The following DIP2C variants were observed in gnomAD, a reference collection of about 807,000 sequenced individuals.
The protein encoded by DIP2C is DIP2 acetate--CoA ligase C (putative).
A neutral mutation model predicts 192.4 loss-of-function variants in DIP2C; 33 were observed. That is an observed-to-expected ratio of 0.17 (90% confidence interval 0.13 to 0.23). The LOEUF (loss-of-function observed/expected upper bound fraction) is 0.23, where lower values mean the gene tolerates loss of function less well. Among genes scored for constraint, DIP2C ranks in the 10% least tolerant of loss-of-function variants. The pLI is 1.00. For synonymous variants in DIP2C, 979 were observed against 864.1 expected (o/e 1.13, Z -2.33); for missense variants, 1,537 against 2,110.1 (o/e 0.73, Z 5.32).
chr10:456,779 G>C (rs955197261), intron 3 of DIP2C, among the ~76,000 whole-genome samples: 5 of 152,138 alleles, frequency 3.3e-5, no homozygotes, highest in African/African-American at 1.2e-4. Context: ...GACGATTTTT[G>C]TTCCACCGTT....
At chr10:659,126 GCACA>G (rs1856595275) in intron 1 of DIP2C, among the ~76,000 whole-genome samples, 1 of 151,970 alleles carries the variant, frequency 6.6e-6, no homozygotes, top group Non-Finnish European at 1.5e-5. Context: ...ATACATTCTG[GCACA>G]CACAAACATA....
At chr10:351,322 G>C (rs1958797681) in intron 24 of DIP2C, among the ~76,000 whole-genome samples, 1 of 152,204 alleles carries the variant, frequency 6.6e-6, no homozygotes, top group African/African-American at 2.4e-5. Flanking sequence ...GAAGCATCAA[G>C]ATGTGAACAC....
chr10:564,090 T>TA (rs931804436), intron 1 of DIP2C, among the ~76,000 whole-genome samples: 24 of 152,034 alleles, frequency 1.6e-4, no homozygotes, highest in African/African-American at 5.8e-4. Context: ...ACTAATCAGG[T>TA]AAAAAATATG....
intron 10 of DIP2C, among the ~76,000 whole-genome samples, chr10:394,622 G>C (rs1271427260): frequency 4.0e-5 from 6 of 148,230 alleles, no homozygotes; most frequent in Non-Finnish European, 5.9e-5. Context: ...ACCGTATGCT[G>C]AACAGGAAGG....
chr10:656,888 G>C (rs1472426563), intron 1 of DIP2C, among the ~76,000 whole-genome samples: 2 of 152,246 alleles, frequency 1.3e-5, no homozygotes, highest in African/African-American at 4.8e-5. Context: ...TTAGCACAAA[G>C]AGCATGGAAC....
intron 1 of DIP2C, among the ~76,000 whole-genome samples, chr10:500,881 T>C (rs1461628705): frequency 2.0e-5 from 3 of 152,182 alleles, no homozygotes; most frequent in African/African-American, 7.2e-5. Flanking sequence ...CTATCATCCT[T>C]AAAGCTATTT....
intron 3 of DIP2C, among the ~76,000 whole-genome samples, chr10:472,038 G>C (rs1398198354): frequency 1.3e-5 from 2 of 152,106 alleles, no homozygotes; most frequent in South Asian, 2.1e-4. Context: ...TGAAAGACAG[G>C]AAACACATAA....
intron 1 of DIP2C, among the ~76,000 whole-genome samples, chr10:608,242 CA>C (rs1437941842): frequency 4.2e-4 from 10 of 23,828 alleles, no homozygotes; most frequent in Non-Finnish European, 6.2e-4. Context: ...CAGCCCCCCC[CA>C]CACACACCCC....
intron 1 of DIP2C, among the ~76,000 whole-genome samples, chr10:587,620 TGA>T: frequency 1.3e-5 from 2 of 151,564 alleles, no homozygotes; most frequent in African/African-American, 4.9e-5. Context: ...GCCTCAGCCC[TGA>T]CCCTCCTGAA....
chr10:309,401 T>C (rs1157121054), intron 32 of DIP2C, among the ~76,000 whole-genome samples: 1 of 152,076 alleles, frequency 6.6e-6, no homozygotes, highest in African/African-American at 2.4e-5. Flanking sequence ...TGTAAAGAAA[T>C]GTGGGCAGGA....
intron 1 of DIP2C, among the ~76,000 whole-genome samples, chr10:646,063 G>C (rs1386393942): frequency 6.6e-6 from 1 of 152,166 alleles, no homozygotes; most frequent in Non-Finnish European, 1.5e-5. Context: ...ATTTTGTTCT[G>C]AGAAGAGCAG....
At chr10:408,842 G>T in intron 9 of DIP2C, 84 bp downstream of exon 9, 1 of 1,374,074 alleles carries the variant, frequency 7.3e-7, no homozygotes, top group South Asian at 1.3e-5. Flanking sequence ...AGGTGGCGCT[G>T]AACTCTGTAA....
rs1429293002 is a variant in DIP2C at position 390,255 on chromosome 10, C to T, written c.1494+9G>A. ...TCAGGGCCAGTGGAGGAGGCCAAGG[C>T]TGACTCACCTCAATATACGCAGTGT... On this transcript the variant is annotated intron_variant, in intron 12 of 36. Transcript: ENST00000280886. 6.2e-6 allele frequency: 10 copies of T among 1,613,674 alleles called. No homozygotes were observed. The East Asian group carries it at 2.2e-4, about 36-fold the overall frequency.
chr10:557,126 A>G (rs1564197095), intron 1 of DIP2C, among the ~76,000 whole-genome samples: 1 of 152,182 alleles, frequency 6.6e-6, no homozygotes, highest in Non-Finnish European at 1.5e-5. Context: ...TGGGCGTAAG[A>G]CCAGCACTCC....
At chr10:523,272 A>AC (rs1398885564) in intron 1 of DIP2C, among the ~76,000 whole-genome samples, 2 of 108,074 alleles carry the variant, frequency 1.9e-5, no homozygotes, top group African/African-American at 6.5e-5. Flanking sequence ...TTTCCACCTG[A>AC]GCAAAGGACC....
intron 1 of DIP2C, among the ~76,000 whole-genome samples, chr10:599,304 C>T (rs1851909787): frequency 6.6e-6 from 1 of 152,206 alleles, no homozygotes; most frequent in Non-Finnish European, 1.5e-5. Context: ...CCGGCAAAAA[C>T]ACGTTACAGG....
At chr10:340,186 A>C (rs1958074716) in intron 29 of DIP2C, among the ~76,000 whole-genome samples, 1 of 151,960 alleles carries the variant, frequency 6.6e-6, no homozygotes, top group African/African-American at 2.4e-5. Context: ...CTCAAAAAAA[A>C]AAAAAGATAA....
intron 17 of DIP2C, among the ~76,000 whole-genome samples, chr10:377,406 C>T (rs900454630): frequency 6.6e-5 from 10 of 152,192 alleles, no homozygotes; most frequent in African/African-American, 1.2e-4. Context: ...CACTGTAAAA[C>T]GCACGTGGTT....
chr10:337,026 TG>T (rs1957824996), intron 29 of DIP2C, among the ~76,000 whole-genome samples: 1 of 88,810 alleles, frequency 1.1e-5, no homozygotes. Context: ...TGTGTGTGTG[TG>T]TGTGTTGTGG....
Sources: gnomAD v4.1 joint callset for allele counts (sites outside exome capture counted in the v4.1 genomes callset) on GRCh38, gnomAD v4.1.1 for gene constraint, MANE v1.5 for transcripts, NCBI Gene and HGNC (gene_info 2026-07-23, HGNC 2026-07-21) for gene names.